DPP8: variants seen among roughly 807,000 people sequenced by gnomAD.
The protein encoded by DPP8 is DPP VIII.
Under a neutral mutation model 107.5 loss-of-function variants are expected in DPP8, and 31 were observed. The observed-to-expected ratio is 0.29, with a 90% confidence interval of 0.22 to 0.39. DPP8 has a LOEUF of 0.39. DPP8 is among the 10% of genes least tolerant of loss of function. DPP8 has a pLI of 1.00. For synonymous variants in DPP8, 381 were observed against 356.6 expected, an observed-to-expected ratio of 1.07 and a Z score of -0.77; for missense variants, 842 against 1,076.1, an observed-to-expected ratio of 0.78 and a Z score of 3.04.
At chr15:65,507,170 A>C in intron 3 of DPP8, 73 bp downstream of exon 3, 1 of 812,180 alleles carries the variant, frequency 1.2e-6, no homozygotes, top group East Asian at 2.9e-5. Flanking sequence ...CAAATATAAA[A>C]TCCCAACCTC....
intron 19 of DPP8, among the ~76,000 whole-genome samples, chr15:65,448,066 A>G (rs933874274): frequency 3.9e-5 from 6 of 152,160 alleles, no homozygotes; most frequent in African/African-American, 1.4e-4. Context: ...AAGTTTATAT[A>G]TATCACTTCA....
chr15:65,514,813 G>A (rs1389620857), intron 1 of DPP8, among the ~76,000 whole-genome samples: 5 of 152,040 alleles, frequency 3.3e-5, no homozygotes, highest in Non-Finnish European at 4.4e-5. Context: ...CCCGGCCAAC[G>A]GACCCAGTTT....
In DPP8 at chr15:65,456,220, C is replaced by T; in HGVS notation, c.2118+5G>A. Reference sequence around the variant, plus strand: ...GTAAAAGAAAAGTGTTTTATGCTCACACACCATTTTATATTTAAAGGCGCC... The same window carrying T: ...GTAAAAGAAAAGTGTTTTATGCTCATACACCATTTTATATTTAAAGGCGCC... On this transcript the variant is annotated splice_donor_5th_base_variant and intron_variant, in intron 16 of 19. Coordinates refer to ENST00000300141, the MANE Select transcript of DPP8 (RefSeq NM_130434.5). 6.2e-7 allele frequency: 1 copy of T among 1,605,616 alleles called. No homozygotes were observed. The highest frequency in any genetic ancestry group is 8.5e-7 in the Non-Finnish European group (1 of 1,177,984).
intron 5 of DPP8, among the ~76,000 whole-genome samples, chr15:65,495,234 A>G (rs536670618): frequency 1.3e-5 from 2 of 152,284 alleles, no homozygotes; most frequent in South Asian, 4.1e-4. Context: ...ATATATAGAC[A>G]TTACTTAGGA....
chr15:65,512,561 T>G lies in DPP8; in HGVS notation c.-8A>C, dbSNP rs201203376. 2.0e-5 allele frequency: 33 copies of G among 1,613,908 alleles called. No homozygotes were observed. Among genetic ancestry groups the G allele is most frequent in the Non-Finnish European group, 2.7e-5 (32 of 1,179,980 alleles). The stretch of plus-strand genomic sequence containing the variant: ...TTCCATTGCTGCTGCCATGTTGCAT[T>G]TTCCTAGAAAAACAAGGCACATGAA... On this transcript the variant is annotated 5_prime_UTR_variant, in exon 2 of 20. Transcript: ENST00000300141.
chr15:65,487,962 A>C (rs1401655787), intron 6 of DPP8, 144 bp from the exon 7 acceptor site: 2 of 625,344 alleles, frequency 3.2e-6, no homozygotes, highest in African/African-American at 1.9e-5. Flanking sequence ...GGAAAATATC[A>C]CTAGTCTTTG....
Position 65,487,742 on chromosome 15 carries a change from T to C in DPP8, c.903A>G (p.Thr301=), listed in dbSNP as rs757948870. The C allele has an allele frequency of 1.2e-6, 2 of 1,607,420 alleles. No individual in the cohort carries two copies. Among genetic ancestry groups the C allele is most frequent in the Non-Finnish European group, 1.7e-6 (2 of 1,174,744 alleles). Residue 301 remains threonine, a synonymous_variant, in exon 7 of 20, where the codon ACA becomes ACG. Coordinates refer to ENST00000300141, the MANE Select transcript of DPP8 (RefSeq NM_130434.5). ...DESEVEIIHV[T]SPMLETRRAD... is the part of the protein sequence containing the mutation. ...CCCTCCTTGTTTCCAACATAGGGGATGTAACATGAATAATTTCCACCTCAG... is the reference window on the plus strand; with the variant it reads ...CCCTCCTTGTTTCCAACATAGGGGACGTAACATGAATAATTTCCACCTCAG...
intron 12 of DPP8, among the ~76,000 whole-genome samples, chr15:65,474,007 G>C (rs1421721820): frequency 6.6e-6 from 1 of 152,082 alleles, no homozygotes; most frequent in Non-Finnish European, 1.5e-5. Flanking sequence ...GGGAGGCAGA[G>C]GCAGGAGAAC....
intron 11 of DPP8, among the ~76,000 whole-genome samples, chr15:65,477,868 T>C (rs1187583275): frequency 1.3e-5 from 2 of 152,188 alleles, no homozygotes; most frequent in African/African-American, 2.4e-5. Flanking sequence ...ATGCCAAATC[T>C]GTTAAGTTAC....
At chr15:65,497,039 C>A (rs2068674435) in intron 5 of DPP8, among the ~76,000 whole-genome samples, 1 of 152,072 alleles carries the variant, frequency 6.6e-6, no homozygotes, top group Non-Finnish European at 1.5e-5. Flanking sequence ...TACAGGTGTG[C>A]ACCACCATTC....
chr15:65,504,969 G>A (rs1400649762), intron 3 of DPP8, among the ~76,000 whole-genome samples: 1 of 152,106 alleles, frequency 6.6e-6, no homozygotes, highest in African/African-American at 2.4e-5. Context: ...GTGACAGAGT[G>A]AGATGCTGTC....
rs771332122 is a variant in DPP8, at chr15:65,454,427, G to A, written c.2119-12C>T. ...ATTTCTATTTGACCCTGTCAAAAAA[G>A]GGAGAACATTTCACTGATTCTGATG... On this transcript the variant is annotated splice_polypyrimidine_tract_variant and intron_variant, in intron 16 of 19. Coordinates refer to ENST00000300141, the MANE Select transcript of DPP8 (RefSeq NM_130434.5). 2.5e-6 allele frequency: 4 copies of A among 1,581,318 alleles called. No homozygotes were observed. Among genetic ancestry groups the A allele is most frequent in the Non-Finnish European group, 3.4e-6 (4 of 1,168,236 alleles).
At chr15:65,472,160 T>G (rs929270904) in intron 12 of DPP8, among the ~76,000 whole-genome samples, 1 of 152,208 alleles carries the variant, frequency 6.6e-6, no homozygotes, top group Non-Finnish European at 1.5e-5. Flanking sequence ...TCCCTATCAA[T>G]CTAAGCTCTG....
In DPP8 at chr15:65,480,318, T is replaced by G. The variant is rs375029248; in HGVS notation, c.1200A>C (p.Glu400Asp). 43 of 1,613,772 alleles carry G rather than the reference T, an allele frequency of 2.7e-5. No individual in the cohort carries two copies. Among genetic ancestry groups the G allele is most frequent in the Non-Finnish European group, 3.2e-5 (38 of 1,179,908 alleles). ...LISPELFIPV[E>D]DDVMERQRLI... Reference sequence around the variant, plus strand: ...GTCTCTGCCTTTCCATAACATCATCTTCTACTGGGATAAATAATTCAGGTG... The same window carrying G: ...GTCTCTGCCTTTCCATAACATCATCGTCTACTGGGATAAATAATTCAGGTG... Residue 400 changes from glutamate to aspartate, a missense_variant, in exon 10 of 20, where the codon GAA becomes GAC. Glu to Asp is a conservative substitution (Grantham distance 45). Around this residue, in one of 2 missense-constraint regions of DPP8, gnomAD observed 663 missense variants for 758.0 expected, o/e 0.87. Coordinates refer to ENST00000300141, the MANE Select transcript of DPP8 (RefSeq NM_130434.5).
chr15:65,450,982 A>G lies in DPP8; in HGVS notation c.2526+17T>C. On this transcript the variant is annotated intron_variant, in intron 19 of 19. Transcript: ENST00000300141. ...TAATCATGACTGCATTTAACTAGAA[A>G]ATGTAGAGTAACTCACCTGTAAATC... The G allele has an allele frequency of 7.0e-7, 1 of 1,419,564 alleles. No homozygotes were observed. Among genetic ancestry groups the G allele is most frequent in the South Asian group, 1.2e-5 (1 of 85,408 alleles). The allele number at this position is 1,419,564 out of a possible 1,614,324, so 87.9% of individuals were successfully genotyped here.
In DPP8 at chr15:65,456,218, C is replaced by G; in HGVS notation, c.2118+7G>C. On this transcript the variant is annotated splice_region_variant and intron_variant, in intron 16 of 19. Transcript: ENST00000300141. ...CTGTAAAAGAAAAGTGTTTTATGCTCACACACCATTTTATATTTAAAGGCG... is the reference window on the plus strand; with the variant it reads ...CTGTAAAAGAAAAGTGTTTTATGCTGACACACCATTTTATATTTAAAGGCG... The G allele has an allele frequency of 6.2e-7, 1 of 1,605,244 alleles. No homozygotes were observed.
chr15:65,471,064 A>G (rs1168016324), intron 12 of DPP8, among the ~76,000 whole-genome samples: 3 of 152,204 alleles, frequency 2.0e-5, no homozygotes, highest in Non-Finnish European at 4.4e-5. Context: ...GATGTATGCA[A>G]TTACAATTAT....
intron 2 of DPP8, among the ~76,000 whole-genome samples, chr15:65,509,069 T>C (rs990584929): frequency 1.3e-5 from 2 of 152,150 alleles, no homozygotes; most frequent in Non-Finnish European, 2.9e-5. Flanking sequence ...CAAATAACCA[T>C]ATCTTTTTTT....
intron 8 of DPP8, among the ~76,000 whole-genome samples, chr15:65,482,044 A>C (rs76404915): frequency 6.6e-6 from 1 of 151,220 alleles, no homozygotes; most frequent in Non-Finnish European, 1.5e-5. Flanking sequence ...ATATATATAT[A>C]TTTTTTGAGA....
Sources: gnomAD v4.1 joint callset for allele counts (sites outside exome capture counted in the v4.1 genomes callset) on GRCh38, gnomAD v4.1.1 for gene constraint, gnomAD v4.1.1 regional missense constraint, MANE v1.5 for transcripts, NCBI Gene and HGNC (gene_info 2026-07-23, HGNC 2026-07-21) for gene names.